Variants in BTD observed in about 807,000 individuals in gnomAD.
BTD encodes the protein biotinidase, also known as biocytinase.
A neutral mutation model predicts 17.7 loss-of-function variants in BTD; 13 were observed. The observed-to-expected ratio is 0.74, with a 90% CI of 0.48 to 1.17. BTD has a LOEUF of 1.17. BTD is among the 50% of genes most tolerant of loss of function. The pLI is 0.00. For synonymous variants in BTD, 240 were observed against 245.2 expected, an observed-to-expected ratio of 0.98 and a Z score of 0.20; for missense variants, 674 against 650.4, an observed-to-expected ratio of 1.04 and a Z score of -0.39.
At chr3:15,628,395 T>C (rs557915271) in intron 1 of BTD, among the ~76,000 whole-genome samples, 2 of 152,366 alleles carry the variant, frequency 1.3e-5, no homozygotes, top group East Asian at 3.9e-4. Context: ...TCTGAGCACA[T>C]CTTCCCTGAA....
chr3:15,672,844 C>T (rs573937471), intron 3 of BTD, among the ~76,000 whole-genome samples: 87 of 152,304 alleles, frequency 5.7e-4, no homozygotes, highest in African/African-American at 2.0e-3. Context: ...GGCATGATCT[C>T]GGCTCACTGC....
intron 3 of BTD, chr3:15,708,046 A>C (rs573608583): frequency 6.2e-7 from 1 of 1,606,464 alleles, no homozygotes; most frequent in African/African-American, 1.3e-5. Context: ...AGTTGGCAGC[A>C]GCGTAGTGCA....
intron 1 of BTD, among the ~76,000 whole-genome samples, chr3:15,630,277 C>T (rs771662475): frequency 6.6e-6 from 1 of 152,124 alleles, no homozygotes; most frequent in Non-Finnish European, 1.5e-5. Flanking sequence ...TCTGCTATTG[C>T]GATACCTAAG....
chr3:15,678,251 G>A, intron 3 of BTD: 1 of 1,612,562 alleles, frequency 6.2e-7, no homozygotes, highest in Non-Finnish European at 8.5e-7. Context: ...ATCATAAGAG[G>A]TGTTTTCCCT....
At chr3:15,633,774 A>G (rs1559591480) in intron 1 of BTD, among the ~76,000 whole-genome samples, 1 of 152,196 alleles carries the variant, frequency 6.6e-6, no homozygotes, top group Non-Finnish European at 1.5e-5. Flanking sequence ...TTGCCCCCAA[A>G]ATCACTCTCT....
chr3:15,674,174 CAAAAAAAAA>C (rs34806568), intron 3 of BTD, among the ~76,000 whole-genome samples: 6 of 40,288 alleles, frequency 1.5e-4, no homozygotes, highest in African/African-American at 2.2e-4. Flanking sequence ...CCTGCCTCTT[CAAAAAAAAA>C]AAAAAAAAAA....
intron 3 of BTD, chr3:15,690,244 T>C: frequency 6.6e-7 from 1 of 1,526,342 alleles, no homozygotes; most frequent in Non-Finnish European, 8.8e-7. Context: ...AAAATGTAAA[T>C]TTAAAACATA....
rs898571663 is a variant in BTD at position 15,650,588 on chromosome 3, A to C, written c.*5100A>C. Among the ~76,000 whole-genome samples the C allele has an allele frequency of 1.3e-5, 2 of 152,204 alleles. No individual in the cohort carries two copies. The highest frequency in any genetic ancestry group is 2.1e-4 in the South Asian group (1 of 4,836). ...TTCTTTATCATTTTCTCCCACAGAC[A>C]GACTCTCGTGTAGTTGCAACAATGG... On this transcript the variant is annotated 3_prime_UTR_variant, in exon 4 of 4. Transcript: ENST00000643237.
intron 1 of BTD, among the ~76,000 whole-genome samples, chr3:15,619,546 G>A (rs541593394): frequency 6.6e-6 from 1 of 152,300 alleles, no homozygotes; most frequent in East Asian, 1.9e-4. Flanking sequence ...TCTATGGATT[G>A]TTAGATTCAA....
intron 1 of BTD, among the ~76,000 whole-genome samples, chr3:15,617,602 A>G (rs776796034): frequency 3.3e-5 from 5 of 152,196 alleles, no homozygotes; most frequent in Non-Finnish European, 7.3e-5. Context: ...GCAGTGGTAC[A>G]CACTTGTAGT....
chr3:15,614,418 A>G (rs772273767), intron 1 of BTD, among the ~76,000 whole-genome samples: 8 of 151,526 alleles, frequency 5.3e-5, no homozygotes, highest in South Asian at 2.1e-4. Context: ...CCCAGCCTCT[A>G]TTTTCTCCTT....
At chr3:15,721,156 T>TA (rs774733737) in intron 4 of BTD, 8 of 1,579,178 alleles carry the variant, frequency 5.1e-6, no homozygotes, top group Non-Finnish European at 6.9e-6. Flanking sequence ...ATGCGAATGT[T>TA]AAAGTAGTTT....
intron 1 of BTD, among the ~76,000 whole-genome samples, chr3:15,614,121 C>CTTTTTTTTTTTT: frequency 7.6e-6 from 1 of 131,726 alleles, no homozygotes; most frequent in Non-Finnish European, 1.5e-5. Context: ...CTCTTTCTTT[C>CTTTTTTTTTTTT]TTTCTTTTTT....
chr3:15,628,262 G>T (rs1478574090), intron 1 of BTD, among the ~76,000 whole-genome samples: 1 of 152,208 alleles, frequency 6.6e-6, no homozygotes, highest in Non-Finnish European at 1.5e-5. Flanking sequence ...TAGAGAGGTT[G>T]TATCCATCAT....
intron 1 of BTD, chr3:15,631,552 T>G: frequency 2.9e-6 from 4 of 1,378,732 alleles, no homozygotes; most frequent in Non-Finnish European, 3.0e-6. Context: ...TTACCAAATT[T>G]ACATGAAATA....
intron 1 of BTD, among the ~76,000 whole-genome samples, chr3:15,622,235 A>G (rs1004920792): frequency 6.6e-6 from 1 of 152,134 alleles, no homozygotes; most frequent in African/African-American, 2.4e-5. Flanking sequence ...AGTTTCTTGA[A>G]GTAAAACTTT....
intron 3 of BTD, among the ~76,000 whole-genome samples, chr3:15,663,659 T>C (rs1288056866): frequency 3.3e-5 from 5 of 152,232 alleles, no homozygotes; most frequent in African/African-American, 1.2e-4. Flanking sequence ...CTCTGCTCTG[T>C]ATTGAAGTCT....
At chr3:15,660,090 T>G (rs2125540252) in intron 3 of BTD, among the ~76,000 whole-genome samples, 1 of 152,360 alleles carries the variant, frequency 6.6e-6, no homozygotes, top group East Asian at 1.9e-4. Flanking sequence ...ATTTTTTCAT[T>G]TAATTCCTAC....
At chr3:15,718,240 G>A (rs907068899) in intron 4 of BTD, among the ~76,000 whole-genome samples, 12 of 152,080 alleles carry the variant, frequency 7.9e-5, no homozygotes, top group African/African-American at 2.9e-4. Flanking sequence ...TAAAATAATT[G>A]GACAATTGCA....
Sources: allele counts gnomAD v4.1 joint callset (sites outside exome capture counted in the v4.1 genomes callset), GRCh38; gene constraint gnomAD v4.1.1; transcripts MANE v1.5; gene names NCBI Gene and HGNC (gene_info 2026-07-23, HGNC 2026-07-21).